WLS: variants seen among roughly 807,000 people sequenced by gnomAD.
WLS encodes Wnt ligand secretion mediator, also known as protein wntless homolog.
In WLS, 23 loss-of-function variants were observed where a neutral mutation model predicts 62.8. The observed-to-expected ratio is 0.37, with a 90% confidence interval of 0.26 to 0.52. The LOEUF is 0.52. WLS is among the 20% of genes least tolerant of loss of function. The pLI is 0.92. For synonymous variants in WLS, 246 were observed against 244.1 expected (o/e 1.01, Z -0.07); for missense variants, 615 against 697.3 (o/e 0.88, Z 1.33).
In WLS at chr1:68,205,095, G is replaced by GC. The variant is rs1460292905; in HGVS notation, c.107-10869_107-10868insG. 3.9e-5 allele frequency among the ~76,000 whole-genome samples: 6 copies of GC among 152,220 alleles called. No individual in the cohort carries two copies. In the East Asian group the frequency reaches 1.2e-3, roughly 29 times the overall value. On this transcript the variant is annotated intron_variant, in intron 1 of 11. Coordinates refer to ENST00000262348, the MANE Select transcript of WLS (RefSeq NM_024911.7). Reference sequence around the variant, plus strand: ...GCATCATTTTTTAAATGCCATAGTGGATTAATCCTTGTCCCGCCTGTATCA... The same window carrying GC: ...GCATCATTTTTTAAATGCCATAGTGGCATTAATCCTTGTCCCGCCTGTATCA...
chr1:68,173,730 CT>C (rs1308278641), intron 2 of WLS, among the ~76,000 whole-genome samples: 1 of 152,134 alleles, frequency 6.6e-6, no homozygotes, highest in Admixed American at 6.5e-5. Flanking sequence ...ACCCAGAGTC[CT>C]TCAGACAAGA....
chr1:68,149,106 G>C (rs898781922), intron 6 of WLS, among the ~76,000 whole-genome samples: 1 of 152,126 alleles, frequency 6.6e-6, no homozygotes, highest in African/African-American at 2.4e-5. Context: ...GAGGAAAATA[G>C]GCATATTTTC....
chr1:68,223,426 C>T (rs1399464767), intron 1 of WLS, among the ~76,000 whole-genome samples: 1 of 152,068 alleles, frequency 6.6e-6, no homozygotes, highest in Non-Finnish European at 1.5e-5. Flanking sequence ...TCTGCCTCAA[C>T]AGATCTACAA....
chr1:68,223,464 T>C (rs1425689617), intron 1 of WLS, among the ~76,000 whole-genome samples: 1 of 152,168 alleles, frequency 6.6e-6, no homozygotes, highest in Non-Finnish European at 1.5e-5. Flanking sequence ...AAAGTGGTGG[T>C]GACTCAAAGA....
chr1:68,208,101 A>G (rs1649357677), intron 1 of WLS, among the ~76,000 whole-genome samples: 1 of 152,256 alleles, frequency 6.6e-6, no homozygotes, highest in Non-Finnish European at 1.5e-5. Context: ...TGGAACATCT[A>G]AGATAACCCT....
chr1:68,127,160 C>A, intron 11 of WLS: 1 of 331,966 alleles, frequency 3.0e-6, no homozygotes, highest in South Asian at 2.2e-5. Flanking sequence ...GCACCACTCA[C>A]TCCAGCCTGG....
intron 6 of WLS, among the ~76,000 whole-genome samples, chr1:68,149,544 G>T (rs1236879525): frequency 6.6e-6 from 1 of 152,194 alleles, no homozygotes; most frequent in Non-Finnish European, 1.5e-5. Context: ...AAGCCCATGT[G>T]CCTGACGTGA....
intron 11 of WLS, among the ~76,000 whole-genome samples, chr1:68,112,474 C>T (rs544469456): frequency 2.0e-4 from 31 of 152,134 alleles, no homozygotes; most frequent in African/African-American, 2.7e-4. Context: ...GTGTACACTC[C>T]GGTTCCAAGT....
intron 2 of WLS, among the ~76,000 whole-genome samples, chr1:68,191,811 C>T (rs916300054): frequency 3.3e-5 from 5 of 152,062 alleles, no homozygotes; most frequent in African/African-American, 1.2e-4. Context: ...ATATAGAATG[C>T]TCTTTCTTTT....
At chr1:68,183,457 CT>C in intron 2 of WLS, 1 of 488,330 alleles carries the variant, frequency 2.0e-6, no homozygotes, top group Admixed American at 2.2e-5. Flanking sequence ...ATAAAATCCT[CT>C]GCCCCATTCA....
intron 2 of WLS, among the ~76,000 whole-genome samples, chr1:68,173,156 G>A (rs1406869766): frequency 6.6e-6 from 1 of 152,200 alleles, no homozygotes; most frequent in Non-Finnish European, 1.5e-5. Flanking sequence ...ACCCAATGAT[G>A]AACCAATCTT....
rs557987531 is a variant in WLS at position 68,137,938 on chromosome 1, G to A, written c.1363-5C>T. ...TTTCCAATGGCCTTCCGTTACCTGC[G>A]GAGAAAGGATGGTGATATTCAATTG... On this transcript the variant is annotated splice_region_variant and splice_polypyrimidine_tract_variant and intron_variant, in intron 10 of 11. Transcript: ENST00000262348. 3.7e-5 allele frequency: 59 copies of A among 1,613,564 alleles called. No individual in the cohort carries two copies. The highest frequency in any genetic ancestry group is 1.7e-4 in the Middle Eastern group (1 of 6,056).
intron 11 of WLS, among the ~76,000 whole-genome samples, chr1:68,110,007 T>TA (rs11290966): frequency 0.33 from 9,055 of 27,688 alleles, 1,308 homozygotes; most frequent in Non-Finnish European, 0.34. Context: ...ACACAAAAAG[T>TA]AAAAAAAAAA....
chr1:68,184,309 G>A (rs1647778171), intron 2 of WLS, among the ~76,000 whole-genome samples: 1 of 152,198 alleles, frequency 6.6e-6, no homozygotes, highest in South Asian at 2.1e-4. Flanking sequence ...ACTTGCAGTT[G>A]TAATCATTAG....
intron 1 of WLS, among the ~76,000 whole-genome samples, chr1:68,199,712 T>C (rs1648896521): frequency 6.6e-6 from 1 of 152,096 alleles, no homozygotes; most frequent in African/African-American, 2.4e-5. Context: ...TAGAGCACCA[T>C]AAAGAAGGAA....
intron 11 of WLS, among the ~76,000 whole-genome samples, chr1:68,131,099 GACAGGGTTTC>G (rs66474345): frequency 0.58 from 86,605 of 149,450 alleles, 25,805 homozygotes; most frequent in Admixed American, 0.65. Context: ...TTTAAGTAGA[GACAGGGTTTC>G]ACCGCATTAG....
chr1:68,161,564 T>G (rs1185980730), intron 2 of WLS, among the ~76,000 whole-genome samples: 1 of 152,198 alleles, frequency 6.6e-6, no homozygotes, highest in African/African-American at 2.4e-5. Flanking sequence ...CATCCTAGTC[T>G]TTCAGCGCTT....
Position 68,150,216 on chromosome 1 carries a change from C to A in WLS, c.944G>T (p.Trp315Leu). 6.2e-7 allele frequency: 1 copy of A among 1,614,174 alleles called. No individual in the cohort carries two copies. The highest frequency in any genetic ancestry group is 1.1e-5 in the South Asian group (1 of 91,076). The change falls in exon 6 of 12, where the codon TGG becomes TTG. Residue 315 changes from tryptophan (W) to leucine (L), a missense_variant. By Grantham distance (61) the Trp-to-Leu change is moderately conservative. Coordinates refer to ENST00000262348, the MANE Select transcript of WLS (RefSeq NM_024911.7). Reference protein sequence around the residue: ...GIFYAMLLSFWIIFCGEHMMD... With the variant: ...GIFYAMLLSFLIIFCGEHMMD... ...CATGTGCTCGCCACAGAAGATGATCCAGAAGGACAGAAGCATCGCATAGAA... is the reference window on the plus strand; with the variant it reads ...CATGTGCTCGCCACAGAAGATGATCAAGAAGGACAGAAGCATCGCATAGAA...
intron 1 of WLS, among the ~76,000 whole-genome samples, chr1:68,201,221 C>T (rs766173656): frequency 6.5e-4 from 99 of 152,266 alleles, no homozygotes; most frequent in Non-Finnish European, 5.7e-4. Flanking sequence ...AACCTGCTTA[C>T]CATTCACTGA....
Sources: allele counts gnomAD v4.1 joint callset (sites outside exome capture counted in the v4.1 genomes callset), GRCh38; gene constraint gnomAD v4.1.1; transcripts MANE v1.5; gene names NCBI Gene and HGNC (gene_info 2026-07-23, HGNC 2026-07-21).